HUNK: variants seen among roughly 807,000 people sequenced by gnomAD.
HUNK encodes the protein hormonally up-regulated neu tumor-associated kinase.
Under a neutral mutation model 61.0 loss-of-function variants are expected in HUNK, and 21 were observed. The ratio of observed to expected loss-of-function variants is 0.34; its 90% CI spans 0.24 to 0.50. The LOEUF (loss-of-function observed/expected upper bound fraction) is 0.50. HUNK is among the 20% of genes least tolerant of loss of function. The pLI, the probability that HUNK is intolerant of heterozygous loss-of-function variation, is 0.98. For synonymous variants in HUNK, 371 were observed against 386.1 expected (o/e 0.96, Z 0.46); for missense variants, 772 against 945.7 (o/e 0.82, Z 2.41).
intron 1 of HUNK, among the ~76,000 whole-genome samples, chr21:31,916,097 C>T (rs1459452897): frequency 8.6e-6 from 1 of 116,864 alleles, no homozygotes; most frequent in African/African-American, 3.3e-5. Flanking sequence ...GTCGCCCAGG[C>T]TGGAGTGCAG....
Position 31,999,260 on chromosome 21 carries a change from G to C in HUNK, c.*76G>C. On this transcript the variant is annotated 3_prime_UTR_variant, in exon 11 of 11. Transcript: ENST00000270112. ...GCTCCACACATCTGTCAGGGTGTGA[G>C]CACTCCAAGGCCTCGCGTGGAGCAT... 2 of 1,320,894 alleles carry C rather than the reference G, an allele frequency of 1.5e-6. No homozygotes were observed. Among genetic ancestry groups the C allele is most frequent in the South Asian group, 1.4e-5 (1 of 71,066 alleles). 81.8% of individuals were successfully genotyped at this position (1,320,894 alleles called of 1,614,324 possible). A position where few individuals can be genotyped will look rare whatever the true frequency, so the allele number is the denominator to read the frequency against.
chr21:31,974,624 C>T lies in HUNK; in HGVS notation c.1080C>T (p.Ser360=), dbSNP rs55976679. ...CCGAGAAGCTGGGTTACAAGAACAG[C>T]GACGTGATCAACACTGTGCTCTCCA... The part of the protein sequence containing the change: ...HMTEKLGYKN[S]DVINTVLSNR... The change falls in exon 7 of 11, where the codon AGC becomes AGT. Residue 360 remains serine, a synonymous_variant. Transcript: ENST00000270112. 12,964 of 1,613,702 alleles carry T rather than the reference C, an allele frequency of 8.0e-3. 147 individuals are homozygous for T. Among genetic ancestry groups the T allele is most frequent in the East Asian group, 0.062 (2,778 of 44,806 alleles).
At chr21:31,994,531 A>G (rs2053190637) in intron 9 of HUNK, among the ~76,000 whole-genome samples, 1 of 152,236 alleles carries the variant, frequency 6.6e-6, no homozygotes, top group Admixed American at 6.5e-5. Flanking sequence ...GTGAAAAAGA[A>G]GAGTCTTTTT....
intron 4 of HUNK, among the ~76,000 whole-genome samples, chr21:31,953,409 T>C (rs1188792509): frequency 6.6e-6 from 1 of 152,168 alleles, no homozygotes; most frequent in Non-Finnish European, 1.5e-5. Flanking sequence ...TCATTATGTA[T>C]TTTTAGTAGA....
chr21:31,970,040 C>T (rs2052999413), intron 6 of HUNK, among the ~76,000 whole-genome samples: 1 of 152,108 alleles, frequency 6.6e-6, no homozygotes, highest in South Asian at 2.1e-4. Flanking sequence ...GTGGCTTGCA[C>T]ATTTGACCAG....
rs546346063 is a variant in HUNK at position 31,975,759 on chromosome 21, G to A, written c.1173+1042G>A. ...TTGAGGTTTCTATATGAGAGCTAAA[G>A]ATGAAAATCTACCTGCAGTTGGGGA... On this transcript the variant is annotated intron_variant, in intron 7 of 10. Coordinates refer to ENST00000270112, the MANE Select transcript of HUNK (RefSeq NM_014586.2). Among the ~76,000 whole-genome samples, 7 of 152,304 alleles carry A rather than the reference G, an allele frequency of 4.6e-5. No homozygotes were observed. The East Asian group carries it at 1.4e-3, about 29-fold the overall frequency.
chr21:31,902,578 G>A (rs188514537), intron 1 of HUNK, among the ~76,000 whole-genome samples: 77 of 152,268 alleles, frequency 5.1e-4, no homozygotes, highest in African/African-American at 1.7e-3. Flanking sequence ...GTGTTTCGTA[G>A]GGTCTTGCTG....
intron 1 of HUNK, among the ~76,000 whole-genome samples, chr21:31,923,671 G>A (rs986047011): frequency 4.0e-5 from 6 of 151,846 alleles, no homozygotes; most frequent in Non-Finnish European, 1.5e-5. Flanking sequence ...GGACAGATGC[G>A]GATTTGGGTG....
chr21:31,886,509 A>T (rs1311229395), intron 1 of HUNK, among the ~76,000 whole-genome samples: 2 of 151,976 alleles, frequency 1.3e-5, no homozygotes, highest in African/African-American at 4.8e-5. Context: ...CTGGGGGGAC[A>T]TAATTAAACC....
intron 1 of HUNK, among the ~76,000 whole-genome samples, chr21:31,889,385 A>G (rs1369667239): frequency 6.6e-6 from 1 of 152,192 alleles, no homozygotes; most frequent in Non-Finnish European, 1.5e-5. Flanking sequence ...GCCCTACTTT[A>G]GTGAAACCAA....
In HUNK at chr21:31,995,577, C is replaced by T. The variant is rs575276029; in HGVS notation, c.1306-191C>T. Among the ~76,000 whole-genome samples the T allele has an allele frequency of 2.6e-5, 4 of 152,330 alleles. No homozygotes were observed. In the East Asian group the frequency reaches 7.7e-4, roughly 29 times the overall value. On this transcript the variant is annotated intron_variant, in intron 9 of 10. Transcript: ENST00000270112. ...GGTCCATTGAAGGCCTCTCGCTGCC[C>T]AGGCAGAGGGAGATGGGCTTCCTGG...
At chr21:31,904,866 C>T (rs768889597) in intron 1 of HUNK, among the ~76,000 whole-genome samples, 7 of 151,982 alleles carry the variant, frequency 4.6e-5, no homozygotes, top group African/African-American at 9.7e-5. Flanking sequence ...CCAAGGTGAA[C>T]GGATCACCTG....
intron 1 of HUNK, among the ~76,000 whole-genome samples, chr21:31,890,448 C>T (rs191000761): frequency 3.9e-5 from 6 of 152,240 alleles, no homozygotes; most frequent in Admixed American, 3.3e-4. Flanking sequence ...AGGCTGGTCT[C>T]GAACTCCTGA....
At chr21:31,913,458 G>A (rs1048515030) in intron 1 of HUNK, among the ~76,000 whole-genome samples, 3 of 152,038 alleles carry the variant, frequency 2.0e-5, no homozygotes, top group African/African-American at 7.2e-5. Context: ...GGAGGTGACA[G>A]ACTCTTGGTG....
At chr21:31,939,486 A>G (rs7278697) in intron 2 of HUNK, among the ~76,000 whole-genome samples, 26,016 of 140,278 alleles carry the variant, frequency 0.19, 3,524 homozygotes, top group African/African-American at 0.39. Flanking sequence ...TTGGCTCACC[A>G]CAACCTCTGC....
At chr21:31,890,973 A>T (rs528180286) in intron 1 of HUNK, among the ~76,000 whole-genome samples, 445 of 136,090 alleles carry the variant, frequency 3.3e-3, no homozygotes, top group African/African-American at 0.015. Flanking sequence ...CTTTTGTTTA[A>T]AAAAAAAAAA....
intron 7 of HUNK, among the ~76,000 whole-genome samples, chr21:31,976,224 T>C (rs10854350): frequency 0.42 from 64,339 of 151,886 alleles, 13,928 homozygotes; most frequent in South Asian, 0.49. Context: ...ATGGTGTCAC[T>C]GTGGCTGCCT....
At chr21:31,886,335 T>C (rs1316728441) in intron 1 of HUNK, among the ~76,000 whole-genome samples, 1 of 150,156 alleles carries the variant, frequency 6.7e-6, no homozygotes, top group East Asian at 2.0e-4. Context: ...GGCATGAGAA[T>C]CACATGAACC....
rs974853980 is a variant in HUNK at position 31,945,020 on chromosome 21, C to T, written c.611-1016C>T. 1.2e-4 allele frequency among the ~76,000 whole-genome samples: 19 copies of T among 152,026 alleles called. 1 individual carries two copies. Among genetic ancestry groups the T allele is most frequent in the African/African-American group, 3.4e-4 (14 of 41,428 alleles). The stretch of plus-strand genomic sequence containing the variant: ...GTGAGGTGAGAATACATTCGTGAAA[C>T]TGGACATAAATACTGCCGATTGAGA... On this transcript the variant is annotated intron_variant, in intron 3 of 10. Transcript: ENST00000270112.
Sources: allele counts gnomAD v4.1 joint callset (sites outside exome capture counted in the v4.1 genomes callset), GRCh38; gene constraint gnomAD v4.1.1; transcripts MANE v1.5; gene names NCBI Gene and HGNC (gene_info 2026-07-23, HGNC 2026-07-21).